NBEA: variants seen among roughly 807,000 people sequenced by gnomAD.
NBEA encodes neurobeachin.
In NBEA, 44 loss-of-function variants were observed where a neutral mutation model predicts 343.4. The ratio of observed to expected loss-of-function variants is 0.13; its 90% CI spans 0.10 to 0.16. NBEA has a LOEUF of 0.16. Ranked by LOEUF, NBEA falls within the 10% of genes least tolerant of loss-of-function variation. NBEA has a pLI of 1.00. For synonymous variants in NBEA, 1,175 were observed against 1,238.7 expected (o/e 0.95, Z 1.08); for missense variants, 2,555 against 3,631.3 (o/e 0.70, Z 7.62).
At chr13:35,367,517 T>C (rs1211181992) in intron 38 of NBEA, among the ~76,000 whole-genome samples, 1 of 151,016 alleles carries the variant, frequency 6.6e-6, no homozygotes, top group African/African-American at 2.4e-5. Context: ...CAAATTGTAA[T>C]ATCTCCTTGT....
In NBEA at chr13:35,216,503, T is replaced by C. The variant is rs143013513; in HGVS notation, c.5648+5324T>C. Among the ~76,000 whole-genome samples the C allele has an allele frequency of 2.0e-5, 3 of 152,112 alleles. No homozygotes were observed. The East Asian group carries it at 5.8e-4, about 29-fold the overall frequency. On this transcript the variant is annotated intron_variant, in intron 33 of 58. Transcript: ENST00000379939. ...TCTCTTGGATCTTTGATTTTAGAACTTTCTTGTTTAATGATATGGTATATG... is the reference window on the plus strand; with the variant it reads ...TCTCTTGGATCTTTGATTTTAGAACCTTCTTGTTTAATGATATGGTATATG...
Position 35,484,266 on chromosome 13 carries a change from G to GTA in NBEA, c.6585+11731_6585+11732insAT, listed in dbSNP as rs1555279207. Among the ~76,000 whole-genome samples the GTA allele has an allele frequency of 1.8e-3, 240 of 135,854 alleles. 1 individual carries two copies. Among genetic ancestry groups the GTA allele is most frequent in the Middle Eastern group, 3.7e-3 (1 of 272 alleles). The allele number at this position is 135,854 out of a possible 152,430, so 89.1% of individuals were successfully genotyped here. ...TGTGTGTGTGTGTGTGTGTGTGTGT[G>GTA]TGTGTGTGTATATATATATATATAT... On this transcript the variant is annotated intron_variant, in intron 41 of 58. Transcript: ENST00000379939.
chr13:34,959,609 A>AT (rs1018922796), intron 1 of NBEA, among the ~76,000 whole-genome samples: 1 of 152,032 alleles, frequency 6.6e-6, no homozygotes, highest in Non-Finnish European at 1.5e-5. Context: ...GTGAAGAAGC[A>AT]TTTTTTCTTT....
chr13:35,252,043 A>T (rs80150534), intron 34 of NBEA, among the ~76,000 whole-genome samples: 2 of 152,148 alleles, frequency 1.3e-5, no homozygotes, highest in Admixed American at 1.3e-4. Flanking sequence ...CTACTTTTTT[A>T]TCCACTTCTG....
intron 10 of NBEA, among the ~76,000 whole-genome samples, chr13:35,089,950 A>G: frequency 6.7e-6 from 1 of 149,160 alleles, no homozygotes; most frequent in East Asian, 2.0e-4. Flanking sequence ...TGGGAGATAT[A>G]CCTAATGCTA....
At chr13:35,473,807 G>A (rs1020386724) in intron 41 of NBEA, among the ~76,000 whole-genome samples, 1 of 152,044 alleles carries the variant, frequency 6.6e-6, no homozygotes, top group African/African-American at 2.4e-5. Flanking sequence ...AGAAAGGATC[G>A]TTTTATTAGT....
intron 31 of NBEA, 54 bp downstream of exon 31, chr13:35,196,356 C>A: frequency 6.9e-7 from 1 of 1,452,476 alleles, no homozygotes; most frequent in South Asian, 1.4e-5. Context: ...GAAAATTAGA[C>A]TTTGTTAATT....
intron 47 of NBEA, among the ~76,000 whole-genome samples, chr13:35,595,603 G>C (rs896719626): frequency 2.6e-5 from 4 of 151,994 alleles, no homozygotes; most frequent in African/African-American, 9.7e-5. Flanking sequence ...GAAGCACAAG[G>C]CTGTAGTGAA....
rs542875522 is a variant in NBEA, at chr13:34,947,183, C to T, written c.294+4069C>T. The stretch of plus-strand genomic sequence containing the variant: ...AATTCAGGATTCATATGTAAATGCT[C>T]GAGGTTTCAATATCTTAAGGAGTTT... On this transcript the variant is annotated intron_variant, in intron 1 of 58. Transcript: ENST00000379939. 1.7e-3 allele frequency among the ~76,000 whole-genome samples: 265 copies of T among 151,882 alleles called. 3 individuals carry two copies. The highest frequency in any genetic ancestry group is 3.5e-3 in the Non-Finnish European group (235 of 67,906).
rs571122478 is a variant in NBEA, at chr13:35,082,775, T to C, written c.1571+11923T>C. 3.2e-4 allele frequency among the ~76,000 whole-genome samples: 48 copies of C among 152,322 alleles called. No individual in the cohort carries two copies. The East Asian group carries it at 7.7e-3, about 24-fold the overall frequency. ...CTTTTTGATGGGGTTGTTTGTTTTT[T>C]TCTTGTAAATTTGTTTGAGTTCATT... On this transcript the variant is annotated intron_variant, in intron 10 of 58. Coordinates refer to ENST00000379939, the MANE Select transcript of NBEA (RefSeq NM_001385012.1).
intron 35 of NBEA, among the ~76,000 whole-genome samples, chr13:35,292,147 G>A (rs574757843): frequency 2.6e-5 from 4 of 151,794 alleles, no homozygotes; most frequent in Admixed American, 1.3e-4. Context: ...CTTATTCAGG[G>A]GGGATAAGTT....
intron 45 of NBEA, among the ~76,000 whole-genome samples, chr13:35,574,992 G>A (rs951276626): frequency 4.6e-5 from 7 of 152,100 alleles, no homozygotes; most frequent in African/African-American, 1.2e-4. Flanking sequence ...CACCCGCCTC[G>A]GCCTCTCAAA....
Position 35,159,278 on chromosome 13 carries a change from A to G in NBEA, c.3107A>G (p.Asp1036Gly), listed in dbSNP as rs1016805683. 6.2e-7 allele frequency: 1 copy of G among 1,613,602 alleles called. No individual in the cohort carries two copies. The highest frequency in any genetic ancestry group is 1.3e-5 in the African/African-American group (1 of 75,022). ...DLLMSTKVSDDILGNSDRPGS... is the reference protein window; with the variant it reads ...DLLMSTKVSDGILGNSDRPGS... ...CTCATGTCAACAAAAGTGTCAGATG[A>G]TATTCTTGGAAATTCAGATAGACCA... Residue 1036 changes from aspartate to glycine, a missense_variant, in exon 22 of 59, where the codon GAT (aspartate) becomes GGT (glycine). Transcript: ENST00000379939.
At chr13:35,642,440 A>G (rs1346261406) in intron 49 of NBEA, among the ~76,000 whole-genome samples, 2 of 152,230 alleles carry the variant, frequency 1.3e-5, no homozygotes, top group Non-Finnish European at 2.9e-5. Context: ...TTCCATATAC[A>G]TTATACATGC....
At chr13:35,392,692 G>A (rs910824551) in intron 38 of NBEA, among the ~76,000 whole-genome samples, 4 of 152,120 alleles carry the variant, frequency 2.6e-5, no homozygotes, top group Non-Finnish European at 4.4e-5. Context: ...CATAAGAACC[G>A]TGCTAACGGT....
intron 49 of NBEA, among the ~76,000 whole-genome samples, chr13:35,641,664 G>A (rs2083955057): frequency 6.6e-6 from 1 of 152,020 alleles, no homozygotes. Flanking sequence ...TTGACAGGGT[G>A]ATGGGGCTAG....
chr13:35,475,851 G>A (rs1252184484), intron 41 of NBEA: 1 of 1,613,958 alleles, frequency 6.2e-7, no homozygotes, highest in African/African-American at 1.3e-5. Flanking sequence ...GCACCGCGCA[G>A]CCGGGCAGTG....
chr13:35,095,638 T>TA (rs1451822053), intron 10 of NBEA, among the ~76,000 whole-genome samples: 9 of 151,924 alleles, frequency 5.9e-5, no homozygotes, highest in Non-Finnish European at 1.3e-4. Flanking sequence ...CTTAAAAAGA[T>TA]ACAGGATTAC....
intron 38 of NBEA, among the ~76,000 whole-genome samples, chr13:35,417,147 C>T (rs2043963920): frequency 6.6e-6 from 1 of 152,004 alleles, no homozygotes; most frequent in East Asian, 1.9e-4. Flanking sequence ...ATTAGTCTTG[C>T]TAGCAGTCTA....
Sources: allele counts gnomAD v4.1 joint callset (sites outside exome capture counted in the v4.1 genomes callset), GRCh38; gene constraint gnomAD v4.1.1; transcripts MANE v1.5; gene names NCBI Gene and HGNC (gene_info 2026-07-23, HGNC 2026-07-21).